The following KCNIP4 variants were observed in gnomAD, a reference collection of about 807,000 sequenced individuals.
KCNIP4 encodes the protein potassium voltage-gated channel interacting protein 4, also known as Kv channel-interacting protein 4.
A neutral mutation model predicts 34.0 loss-of-function variants in KCNIP4; 12 were observed. That is an observed-to-expected ratio of 0.35 (90% CI 0.23 to 0.57). KCNIP4 has a LOEUF of 0.57. KCNIP4 is among the 20% of genes least tolerant of loss of function. The pLI is 0.83. For missense variants in KCNIP4, 238 were observed against 311.7 expected (o/e 0.76, Z 1.78); for synonymous variants, 124 against 102.2 (o/e 1.21, Z -1.29).
chr4:20,961,963 C>G (rs758944875), intron 1 of KCNIP4, among the ~76,000 whole-genome samples: 2 of 152,230 alleles, frequency 1.3e-5, no homozygotes, highest in Admixed American at 6.5e-5. Context: ...CCAAAGACAC[C>G]TTTTCTCCCA....
intron 1 of KCNIP4, among the ~76,000 whole-genome samples, chr4:21,788,016 G>A (rs1577989353): frequency 6.6e-6 from 1 of 151,942 alleles, no homozygotes; most frequent in Non-Finnish European, 1.5e-5. Flanking sequence ...TTGAAGGCAG[G>A]CCGCTTGATA....
At chr4:21,261,074 C>T (rs1314488702) in intron 1 of KCNIP4, among the ~76,000 whole-genome samples, 1 of 152,120 alleles carries the variant, frequency 6.6e-6, no homozygotes, top group Admixed American at 6.5e-5. Context: ...AATTTAACAG[C>T]CGGTTTTGGA....
chr4:20,868,581 A>G (rs34273282), intron 2 of KCNIP4, among the ~76,000 whole-genome samples: 2,283 of 152,258 alleles, frequency 0.015, 57 homozygotes, highest in African/African-American at 0.053. Context: ...AAGAAGTGGA[A>G]TCAACCCAGG....
chr4:21,155,918 C>A (rs915388655), intron 1 of KCNIP4, among the ~76,000 whole-genome samples: 26 of 152,048 alleles, frequency 1.7e-4, no homozygotes, highest in Non-Finnish European at 3.4e-4. Flanking sequence ...CTATATTGTA[C>A]ACTTATTTCA....
chr4:21,901,356 C>T (rs1484902497), intron 1 of KCNIP4, among the ~76,000 whole-genome samples: 7 of 152,196 alleles, frequency 4.6e-5, no homozygotes, highest in Non-Finnish European at 8.8e-5. Flanking sequence ...CGCACCCTCT[C>T]GTGCTTACAC....
chr4:21,281,554 T>C (rs969517250), intron 1 of KCNIP4, among the ~76,000 whole-genome samples: 10 of 152,206 alleles, frequency 6.6e-5, no homozygotes, highest in Non-Finnish European at 1.5e-4. Flanking sequence ...AACTCTGTTA[T>C]CTGGAATCCA....
chr4:21,556,934 A>AAAAACAAAAAAAAACAAAC (rs1739107292), intron 1 of KCNIP4, among the ~76,000 whole-genome samples: 2 of 149,782 alleles, frequency 1.3e-5, no homozygotes, highest in Non-Finnish European at 3.0e-5. Context: ...AAAAAAAAAA[A>AAAAACAAAAAAAAACAAAC]AAAAAAAAAC....
At chr4:20,963,985 G>T (rs1386622531) in intron 1 of KCNIP4, among the ~76,000 whole-genome samples, 2 of 152,146 alleles carry the variant, frequency 1.3e-5, no homozygotes, top group Non-Finnish European at 2.9e-5. Flanking sequence ...TAAAATCTAT[G>T]TAAAGAACTC....
chr4:21,351,914 T>C (rs1718040016), intron 1 of KCNIP4, among the ~76,000 whole-genome samples: 1 of 152,186 alleles, frequency 6.6e-6, no homozygotes, highest in African/African-American at 2.4e-5. Context: ...ATGGCAGCTA[T>C]AGCAAACTAG....
At chr4:21,872,401 G>A (rs550405924) in intron 1 of KCNIP4, among the ~76,000 whole-genome samples, 1 of 152,168 alleles carries the variant, frequency 6.6e-6, no homozygotes, top group Non-Finnish European at 1.5e-5. Flanking sequence ...TGAATGTTTT[G>A]ATAATCCCCT....
At chr4:21,570,674 G>T (rs1029954541) in intron 1 of KCNIP4, among the ~76,000 whole-genome samples, 1 of 151,994 alleles carries the variant, frequency 6.6e-6, no homozygotes, top group Non-Finnish European at 1.5e-5. Flanking sequence ...AATGGATTAG[G>T]AACATTAATT....
rs75671921 is a variant in KCNIP4, at chr4:21,522,210, C to G, written c.61+426361G>C. Among the ~76,000 whole-genome samples, 226 of 152,158 alleles carry G rather than the reference C, an allele frequency of 1.5e-3. 1 individual carries two copies. The highest frequency in any genetic ancestry group is 4.8e-3 in the African/African-American group (201 of 41,508). The stretch of plus-strand genomic sequence containing the variant: ...CCCATGCCAATTGACTGAGGAGATT[C>G]ATTTAACACTTCAGAGACTCCAGGA... On this transcript the variant is annotated intron_variant, in intron 1 of 8. Transcript: ENST00000382152.
At chr4:21,600,632 A>C (rs1743028476) in intron 1 of KCNIP4, among the ~76,000 whole-genome samples, 1 of 151,962 alleles carries the variant, frequency 6.6e-6, no homozygotes, top group Non-Finnish European at 1.5e-5. Context: ...ACTTCTCTTA[A>C]AGTTCTTCTT....
chr4:21,086,007 A>G lies in KCNIP4; in HGVS notation c.62-203298T>C, dbSNP rs1216521402. The stretch of plus-strand genomic sequence containing the variant: ...GAATCAGAAAGATAAGTAATCGTCC[A>G]TTTCCTCTGCTCCCTCACTGTGGAC... On this transcript the variant is annotated intron_variant, in intron 1 of 8. Coordinates refer to ENST00000382152, the MANE Select transcript of KCNIP4 (RefSeq NM_025221.6). Among the ~76,000 whole-genome samples, 3 of 152,092 alleles carry G rather than the reference A, an allele frequency of 2.0e-5. No individual in the cohort carries two copies. In the East Asian group the frequency reaches 5.8e-4, roughly 29 times the overall value.
chr4:21,764,099 T>C (rs1221386138), intron 1 of KCNIP4, among the ~76,000 whole-genome samples: 4 of 152,154 alleles, frequency 2.6e-5, no homozygotes, highest in Admixed American at 6.6e-5. Flanking sequence ...CAATTTAGTA[T>C]AGAAGCTTCA....
chr4:21,907,489 A>G (rs1728068963), intron 1 of KCNIP4, among the ~76,000 whole-genome samples: 1 of 152,226 alleles, frequency 6.6e-6, no homozygotes, highest in South Asian at 2.1e-4. Flanking sequence ...TTACAGAAAC[A>G]GAAAACAGAG....
rs1384322230 is a variant in KCNIP4, at chr4:21,922,827, A to G, written c.61+25744T>C. On this transcript the variant is annotated intron_variant, in intron 1 of 8. Transcript: ENST00000382152. ...TTGAGCTCTATAAGCTACAAGGAGA[A>G]AAGACTGCATTTGTTTCATTTCTCA... 3.3e-5 allele frequency among the ~76,000 whole-genome samples: 5 copies of G among 152,324 alleles called. No homozygotes were observed. The East Asian group carries it at 9.7e-4, about 29-fold the overall frequency.
intron 1 of KCNIP4, among the ~76,000 whole-genome samples, chr4:21,308,059 G>A (rs1317600072): frequency 6.6e-6 from 1 of 152,152 alleles, no homozygotes; most frequent in African/African-American, 2.4e-5. Context: ...AACTACATAT[G>A]CAACTCTTAC....
intron 1 of KCNIP4, chr4:21,464,566 T>C (rs1289121502): frequency 1.3e-5 from 2 of 152,172 alleles, no homozygotes; most frequent in African/African-American, 4.8e-5. Flanking sequence ...CTTTGTATAA[T>C]TTTTTAAAAA....
Sources: gnomAD v4.1 joint callset for allele counts (sites outside exome capture counted in the v4.1 genomes callset) on GRCh38, gnomAD v4.1.1 for gene constraint, MANE v1.5 for transcripts, NCBI Gene and HGNC (gene_info 2026-07-23, HGNC 2026-07-21) for gene names.